Variants in DLGAP2 observed in about 807,000 individuals in gnomAD.
DLGAP2 encodes DLG associated protein 2.
A neutral mutation model predicts 100.3 loss-of-function variants in DLGAP2; 26 were observed. The observed-to-expected ratio is 0.26, with a 90% confidence interval of 0.19 to 0.36. The LOEUF is 0.36. Ranked by LOEUF, DLGAP2 falls within the 10% of genes least tolerant of loss-of-function variation. The pLI, the probability that DLGAP2 is intolerant of heterozygous loss-of-function variation, is 1.00. For missense variants in DLGAP2, 1,858 were observed against 1,453.2 expected, an observed-to-expected ratio of 1.28 and a Z score of -4.53; for synonymous variants, 886 against 630.1, an observed-to-expected ratio of 1.41 and a Z score of -6.08.
intron 3 of DLGAP2, among the ~76,000 whole-genome samples, chr8:1,293,414 C>T (rs1800103812): frequency 6.6e-6 from 1 of 152,142 alleles, no homozygotes; most frequent in Admixed American, 6.5e-5. Flanking sequence ...CAGCAGCAGG[C>T]TGGGCTCCCG....
chr8:853,009 A>G (rs1797210104), intron 1 of DLGAP2, among the ~76,000 whole-genome samples: 1 of 152,222 alleles, frequency 6.6e-6, no homozygotes, highest in African/African-American at 2.4e-5. Context: ...CTTTGTAGTG[A>G]CACATTAAAT....
intron 6 of DLGAP2, among the ~76,000 whole-genome samples, chr8:1,623,537 ACACCAGTGCGTGATAACCTGG>A (rs1381296568): frequency 3.1e-4 from 42 of 137,322 alleles, no homozygotes; most frequent in African/African-American, 1.1e-3. Context: ...TCATGACCTG[ACACCAGTGCGTGATAACCTGG>A]CACCAGTGCG....
chr8:768,509 C>A (rs2132602433), intron 1 of DLGAP2, among the ~76,000 whole-genome samples: 1 of 149,402 alleles, frequency 6.7e-6, no homozygotes, highest in African/African-American at 2.5e-5. Context: ...ACTGCAACCT[C>A]CACCTCCTGG....
At chr8:1,605,771 A>G (rs558404692) in intron 6 of DLGAP2, among the ~76,000 whole-genome samples, 144 of 152,334 alleles carry the variant, frequency 9.5e-4, no homozygotes, top group African/African-American at 3.1e-3. Context: ...CCACTCTGGA[A>G]GTAAACTGTT....
At chr8:770,763 C>T (rs769191341) in intron 1 of DLGAP2, among the ~76,000 whole-genome samples, 1 of 152,142 alleles carries the variant, frequency 6.6e-6, no homozygotes, top group African/African-American at 2.4e-5. Flanking sequence ...GCTGTAAAAT[C>T]CTGGGGCAGG....
chr8:927,269 T>C (rs1211729708), intron 2 of DLGAP2: 3 of 977,492 alleles, frequency 3.1e-6, no homozygotes, highest in Admixed American at 1.2e-4. Flanking sequence ...GTGATGAGCC[T>C]ATGGGGATTT....
At chr8:793,331 G>C (rs1371413599) in intron 1 of DLGAP2, among the ~76,000 whole-genome samples, 2 of 152,186 alleles carry the variant, frequency 1.3e-5, no homozygotes, top group Non-Finnish European at 2.9e-5. Context: ...AGTATGGTTA[G>C]TGAAAAGTCT....
intron 1 of DLGAP2, among the ~76,000 whole-genome samples, chr8:742,008 G>A (rs772808486): frequency 6.6e-6 from 1 of 152,230 alleles, no homozygotes; most frequent in African/African-American, 2.4e-5. Context: ...TTGGTCCTGA[G>A]GATGCTGTTG....
At chr8:1,055,451 A>G (rs1231030880) in intron 2 of DLGAP2, among the ~76,000 whole-genome samples, 1 of 152,232 alleles carries the variant, frequency 6.6e-6, no homozygotes, top group African/African-American at 2.4e-5. Flanking sequence ...TGAATGTGTT[A>G]GGACTTTATC....
intron 3 of DLGAP2, among the ~76,000 whole-genome samples, chr8:1,363,604 C>T (rs868216518): frequency 2.4e-4 from 37 of 152,222 alleles, no homozygotes; most frequent in Admixed American, 6.5e-4. Context: ...CCCTGTCAGG[C>T]GACATTGGGA....
chr8:942,259 C>T (rs1238275833), intron 2 of DLGAP2, among the ~76,000 whole-genome samples: 1 of 152,226 alleles, frequency 6.6e-6, no homozygotes, highest in Admixed American at 6.5e-5. Flanking sequence ...CTGAGCATTT[C>T]TGTTTATCTA....
intron 3 of DLGAP2, among the ~76,000 whole-genome samples, chr8:1,408,569 A>G (rs1385472367): frequency 6.6e-6 from 1 of 152,174 alleles, no homozygotes; most frequent in Non-Finnish European, 1.5e-5. Context: ...ACAGACACAC[A>G]CGGTGTTAAC....
At chr8:1,520,461 T>A (rs1411264299) in intron 4 of DLGAP2, among the ~76,000 whole-genome samples, 1 of 152,162 alleles carries the variant, frequency 6.6e-6, no homozygotes, top group Non-Finnish European at 1.5e-5. Context: ...ATCCTTCACG[T>A]CAGGGGTCAC....
chr8:1,392,676 G>A lies in DLGAP2; in HGVS notation c.107-108690G>A, dbSNP rs570769006. Among the ~76,000 whole-genome samples the A allele has an allele frequency of 1.1e-4, 16 of 152,350 alleles. No individual in the cohort carries two copies. In the South Asian group the frequency reaches 2.5e-3, roughly 24 times the overall value. On this transcript the variant is annotated intron_variant, in intron 3 of 14. Transcript: ENST00000637795. The stretch of plus-strand genomic sequence containing the variant: ...GGGCCTGGGCCTCCATGCATCTCTG[G>A]GGACTGGGCCAGGCCTGGGTCAGCA...
At chr8:871,425 A>G (rs926000690) in intron 1 of DLGAP2, among the ~76,000 whole-genome samples, 1 of 152,190 alleles carries the variant, frequency 6.6e-6, no homozygotes, top group Non-Finnish European at 1.5e-5. Context: ...CCTGCTTCTG[A>G]GTCCACCGTT....
At chr8:886,368 C>A (rs1339945897) in intron 1 of DLGAP2, among the ~76,000 whole-genome samples, 2 of 151,936 alleles carry the variant, frequency 1.3e-5, no homozygotes, top group Non-Finnish European at 2.9e-5. Context: ...TCATCTATCT[C>A]CTTAAATTCT....
chr8:1,191,840 T>C (rs574238759), intron 2 of DLGAP2, among the ~76,000 whole-genome samples: 3 of 152,350 alleles, frequency 2.0e-5, no homozygotes, highest in Admixed American at 6.5e-5. Context: ...TAAGCTGATA[T>C]TACGTGTTCA....
chr8:963,383 T>A (rs1799773219), intron 2 of DLGAP2, among the ~76,000 whole-genome samples: 1 of 152,188 alleles, frequency 6.6e-6, no homozygotes, highest in South Asian at 2.1e-4. Context: ...CCTGGGCAGA[T>A]TACACAAAAG....
chr8:1,220,627 A>G (rs1274529310), intron 2 of DLGAP2, among the ~76,000 whole-genome samples: 1 of 152,188 alleles, frequency 6.6e-6, no homozygotes, highest in Non-Finnish European at 1.5e-5. Context: ...TATTTGGTCA[A>G]GTGTGAAGTT....
Sources: allele counts gnomAD v4.1 joint callset (sites outside exome capture counted in the v4.1 genomes callset), GRCh38; gene constraint gnomAD v4.1.1; transcripts MANE v1.5; gene names NCBI Gene and HGNC (gene_info 2026-07-23, HGNC 2026-07-21).